The following CTNNA3 variants were observed in gnomAD, a reference collection of about 807,000 sequenced individuals.
CTNNA3 encodes catenin alpha-3.
In CTNNA3, 76 loss-of-function variants were observed where a neutral mutation model predicts 95.7. The observed-to-expected ratio is 0.79, with a 90% CI of 0.66 to 0.96. CTNNA3 has a LOEUF of 0.96. Ranked by LOEUF, CTNNA3 falls within the 40% of genes least tolerant of loss-of-function variation. The pLI, the probability that CTNNA3 is intolerant of heterozygous loss-of-function variation, is 0.00. For missense variants in CTNNA3, 1,191 were observed against 1,089.8 expected (o/e 1.09, Z -1.31); for synonymous variants, 431 against 374.4 (o/e 1.15, Z -1.74).
At chr10:66,792,722 T>C (rs1841024340) in intron 7 of CTNNA3, among the ~76,000 whole-genome samples, 1 of 152,136 alleles carries the variant, frequency 6.6e-6, no homozygotes. Context: ...AATATCAAAA[T>C]CTATGCTGGA....
At chr10:66,361,318 C>T (rs2092672812) in intron 12 of CTNNA3, among the ~76,000 whole-genome samples, 1 of 142,242 alleles carries the variant, frequency 7.0e-6, no homozygotes, top group African/African-American at 2.6e-5. Context: ...CTCCCCGCCC[C>T]TCCCCTTCCT....
chr10:66,168,951 C>T (rs1022384479), intron 13 of CTNNA3, among the ~76,000 whole-genome samples: 3 of 152,140 alleles, frequency 2.0e-5, no homozygotes, highest in African/African-American at 4.8e-5. Context: ...ATAGAAAGTA[C>T]AGTCTAATTG....
chr10:66,383,455 C>T (rs938993227), intron 11 of CTNNA3, among the ~76,000 whole-genome samples: 6 of 151,960 alleles, frequency 3.9e-5, no homozygotes, highest in African/African-American at 1.5e-4. Flanking sequence ...GTGAAAAGAC[C>T]AAATCTATGT....
chr10:66,943,591 G>T (rs191193358), intron 7 of CTNNA3, among the ~76,000 whole-genome samples: 2 of 151,426 alleles, frequency 1.3e-5, no homozygotes, highest in Non-Finnish European at 2.9e-5. Flanking sequence ...CTCTCACGGC[G>T]AGGTGTTTTG....
At chr10:66,734,968 A>T (rs72800789) in intron 9 of CTNNA3, among the ~76,000 whole-genome samples, 1 of 151,540 alleles carries the variant, frequency 6.6e-6, no homozygotes, top group African/African-American at 2.4e-5. Context: ...AGTTCTTATG[A>T]ATTTGTTTTA....
At chr10:67,398,565 T>C (rs920774873) in intron 5 of CTNNA3, among the ~76,000 whole-genome samples, 15 of 152,198 alleles carry the variant, frequency 9.9e-5, no homozygotes, top group Non-Finnish European at 2.2e-4. Flanking sequence ...GTTAAGACTT[T>C]GGGGGACTGT....
At chr10:66,904,555 G>T (rs933721813) in intron 7 of CTNNA3, among the ~76,000 whole-genome samples, 1 of 152,074 alleles carries the variant, frequency 6.6e-6, no homozygotes, top group Admixed American at 6.6e-5. Flanking sequence ...CACAGCAAAA[G>T]AAACCATCAT....
At chr10:66,940,880 C>T (rs1030412649) in intron 7 of CTNNA3, among the ~76,000 whole-genome samples, 2 of 152,090 alleles carry the variant, frequency 1.3e-5, no homozygotes, top group African/African-American at 4.8e-5. Flanking sequence ...ATTTAGGTTT[C>T]TAAATGTTTC....
At position 65,943,230 on chromosome 10, in the gene CTNNA3, A is replaced by AT. The variant is rs1248266905; in HGVS notation, c.2401-22614dup. Among the ~76,000 whole-genome samples, 16 of 151,836 alleles carry AT rather than the reference A, an allele frequency of 1.1e-4. 1 individual carries two copies. The East Asian group carries it at 3.1e-3, about 30-fold the overall frequency. ...AGGCGCCCACCACCGTGCCTGGCTAATTTTTTTGTATTTTTAGTAGAGACG... is the reference window on the plus strand; with the variant it reads ...AGGCGCCCACCACCGTGCCTGGCTAATTTTTTTTGTATTTTTAGTAGAGACG... On this transcript the variant is annotated intron_variant, in intron 17 of 17. Transcript: ENST00000433211.
At chr10:66,544,874 G>A (rs1344782627) in intron 10 of CTNNA3, among the ~76,000 whole-genome samples, 1 of 151,970 alleles carries the variant, frequency 6.6e-6, no homozygotes, top group Non-Finnish European at 1.5e-5. Context: ...ATGTGTCTAG[G>A]ACCAAATAAA....
Position 67,607,008 on chromosome 10 carries a change from C to A in CTNNA3, c.141G>T (p.Arg47Ser). The change falls in exon 3 of 18, where the codon AGG becomes AGT. Residue 47 changes from arginine to serine, a missense_variant. Transcript: ENST00000433211. ...TGGCTCTTTTCGAACGTCCTTTTTT[C>A]CTGCTGGAAGGGTTCTGGGGACAGT... The part of the protein sequence containing the change: ...LVNCPQNPSS[R>S]KKGRSKRASV... 6.2e-7 allele frequency: 1 copy of A among 1,613,990 alleles called. No individual in the cohort carries two copies. The highest frequency in any genetic ancestry group is 8.5e-7 in the Non-Finnish European group (1 of 1,179,962).
intron 1 of CTNNA3, among the ~76,000 whole-genome samples, chr10:67,722,571 T>C (rs1427414630): frequency 6.6e-6 from 1 of 152,210 alleles, no homozygotes; most frequent in Non-Finnish European, 1.5e-5. Context: ...TGGGACTGTA[T>C]TGATATTTTC....
chr10:66,167,166 T>A (rs1010420317), intron 13 of CTNNA3, among the ~76,000 whole-genome samples: 16 of 152,146 alleles, frequency 1.1e-4, no homozygotes, highest in Admixed American at 8.5e-4. Flanking sequence ...CATAGGACAC[T>A]GTGCTGTATG....
In CTNNA3 at chr10:66,191,970, G is replaced by T. The variant is rs557738555; in HGVS notation, c.1884+88500C>A. 9.9e-5 allele frequency among the ~76,000 whole-genome samples: 15 copies of T among 152,254 alleles called. No homozygotes were observed. The South Asian group carries it at 3.1e-3, about 32-fold the overall frequency. On this transcript the variant is annotated intron_variant, in intron 13 of 17. Transcript: ENST00000433211. ...ATGGGTTTATCCTAAGTGAGTTTCA[G>T]TCCCCTGGCCATCCACTCTGTTGCC...
chr10:67,040,977 G>A (rs995163962), intron 7 of CTNNA3, among the ~76,000 whole-genome samples: 5 of 151,914 alleles, frequency 3.3e-5, no homozygotes, highest in African/African-American at 1.2e-4. Context: ...GGTGATATAA[G>A]CATTTTATAC....
chr10:66,840,420 A>C (rs1843030496), intron 7 of CTNNA3, among the ~76,000 whole-genome samples: 1 of 144,006 alleles, frequency 6.9e-6, no homozygotes, highest in Non-Finnish European at 1.5e-5. Flanking sequence ...ACCCCTCGGT[A>C]TAGGTTGGAA....
At chr10:66,042,283 A>T (rs866374656) in intron 15 of CTNNA3, among the ~76,000 whole-genome samples, 1 of 152,130 alleles carries the variant, frequency 6.6e-6, no homozygotes, top group Admixed American at 6.5e-5. Flanking sequence ...TATTTTTAAA[A>T]ATTTATTAAT....
intron 5 of CTNNA3, among the ~76,000 whole-genome samples, chr10:67,481,216 A>C (rs1195092311): frequency 6.6e-6 from 1 of 152,202 alleles, no homozygotes; most frequent in African/African-American, 2.4e-5. Context: ...GAGAGCTGAA[A>C]CAAGACAAAG....
At chr10:67,115,877 T>C (rs896773423) in intron 7 of CTNNA3, among the ~76,000 whole-genome samples, 1 of 151,898 alleles carries the variant, frequency 6.6e-6, no homozygotes, top group Non-Finnish European at 1.5e-5. Context: ...AATATTTAAA[T>C]AGACACCTCT....
Sources: gnomAD v4.1 joint callset for allele counts (sites outside exome capture counted in the v4.1 genomes callset) on GRCh38, gnomAD v4.1.1 for gene constraint, MANE v1.5 for transcripts, NCBI Gene and HGNC (gene_info 2026-07-23, HGNC 2026-07-21) for gene names.